The following INSL5 variants were observed in gnomAD, a reference collection of about 807,000 sequenced individuals.
INSL5 encodes insulin-like peptide INSL5.
Under a neutral mutation model 4.3 loss-of-function variants are expected in INSL5, and 3 were observed. That is an observed-to-expected ratio of 0.70 (90% CI 0.32 to 1.82). The LOEUF is 1.82. Among genes scored for constraint, INSL5 ranks in the 40% most tolerant of loss-of-function variants. The probability of loss-of-function intolerance (pLI) is 0.08; values close to 1 mark genes in which losing one functional copy is unlikely to be tolerated. For synonymous variants in INSL5, 68 were observed against 56.6 expected (o/e 1.20, Z -0.90); for missense variants, 168 against 160.9 (o/e 1.04, Z -0.24).
Position 66,797,967 on chromosome 1 carries a change from A to T in INSL5, c.*46T>A. 1.5e-6 allele frequency: 2 copies of T among 1,305,622 alleles called. No individual in the cohort carries two copies. Among genetic ancestry groups the T allele is most frequent in the East Asian group, 2.3e-5 (1 of 42,812 alleles). The allele number at this position is 1,305,622 out of a possible 1,614,324, so 80.9% of individuals were successfully genotyped here. On this transcript the variant is annotated 3_prime_UTR_variant, in exon 2 of 2. Coordinates refer to ENST00000304526, the MANE Select transcript of INSL5 (RefSeq NM_005478.6). Reference sequence around the variant, plus strand: ...TACCAGGCAGTAAAACACTGTAATTAAACATGTGATAAAGCTCTGCCACCC... The same window carrying T: ...TACCAGGCAGTAAAACACTGTAATTTAACATGTGATAAAGCTCTGCCACCC...
chr1:66,798,678 G>A (rs1645357097), intron 1 of INSL5, among the ~76,000 whole-genome samples: 2 of 152,144 alleles, frequency 1.3e-5, no homozygotes. Context: ...AAAATAAAAA[G>A]TGAAATTCAC....
At position 66,801,226 on chromosome 1, in the gene INSL5, C is replaced by T. The variant is rs767795234; in HGVS notation, c.-5G>A. On this transcript the variant is annotated 5_prime_UTR_variant, in exon 1 of 2. Coordinates refer to ENST00000304526, the MANE Select transcript of INSL5 (RefSeq NM_005478.6). ...AGTGAAAATGGAGCCCTTCATTTTGCTGAGGACTGAATGTGAATCTGATAT... is the reference window on the plus strand; with the variant it reads ...AGTGAAAATGGAGCCCTTCATTTTGTTGAGGACTGAATGTGAATCTGATAT... 288 of 1,608,058 alleles carry T rather than the reference C, an allele frequency of 1.8e-4. 1 individual carries two copies. The highest frequency in any genetic ancestry group is 2.4e-4 in the Non-Finnish European group (282 of 1,175,822).
At position 66,797,927 on chromosome 1, in the gene INSL5, A is replaced by G; in HGVS notation, c.*86T>C. 1.1e-6 allele frequency: 1 copy of G among 947,466 alleles called. No homozygotes were observed. Among genetic ancestry groups the G allele is most frequent in the East Asian group, 2.6e-5 (1 of 38,752 alleles). 58.7% of individuals were successfully genotyped at this position (947,466 alleles called of 1,614,324 possible). On this transcript the variant is annotated 3_prime_UTR_variant, in exon 2 of 2. Transcript: ENST00000304526. Reference sequence around the variant, plus strand: ...ACCCAAAAGCCATCATTTTAATAACACAATATTAGTGTTCTACCAGGCAGT... The same window carrying G: ...ACCCAAAAGCCATCATTTTAATAACGCAATATTAGTGTTCTACCAGGCAGT...
At chr1:66,800,460 A>T (rs1645368057) in intron 1 of INSL5, among the ~76,000 whole-genome samples, 1 of 152,132 alleles carries the variant, frequency 6.6e-6, no homozygotes, top group African/African-American at 2.4e-5. Context: ...TTGAAGCCAG[A>T]TAGACCCAGT....
In INSL5 at chr1:66,797,823, A is replaced by T; in HGVS notation, c.*190T>A. On this transcript the variant is annotated 3_prime_UTR_variant, in exon 2 of 2. Transcript: ENST00000304526. ...TAGAATTTGAAAAGAACAGTTCATTAACCTTGGCAAAGGGAGAAAATAGAG... is the reference window on the plus strand; with the variant it reads ...TAGAATTTGAAAAGAACAGTTCATTTACCTTGGCAAAGGGAGAAAATAGAG... 1 of 551,986 alleles carries T rather than the reference A, an allele frequency of 1.8e-6. No homozygotes were observed. Among genetic ancestry groups the T allele is most frequent in the Admixed American group, 3.2e-5 (1 of 30,838 alleles). The allele number at this position is 551,986 out of a possible 1,614,324, so 34.2% of individuals were successfully genotyped here.
chr1:66,798,334 G>A (rs1377383846), intron 1 of INSL5, 89 bp from the exon 2 acceptor site: 6 of 861,632 alleles, frequency 7.0e-6, no homozygotes, highest in Non-Finnish European at 1.1e-5. Flanking sequence ...AAATGAACTG[G>A]ATCCCTAAAA....
At chr1:66,800,981 C>G (rs1403583926) in intron 1 of INSL5, 66 bp downstream of exon 1, 1 of 1,237,084 alleles carries the variant, frequency 8.1e-7, no homozygotes, top group African/African-American at 1.5e-5. Flanking sequence ...TGGTTTAAAA[C>G]ACAGCTTGAA....
Position 66,798,128 on chromosome 1 carries a change from A to T in INSL5, c.293T>A (p.Met98Lys). Residue 98 changes from methionine (M) to lysine (K), a missense_variant, in exon 2 of 2, where the codon ATG becomes AAG. By Grantham distance (95) the Met-to-Lys change is moderately conservative. Transcript: ENST00000304526. ...TGACTTCCAAAGCTCTTCAGTGGGC[A>T]TCTGTCCACCCCAAAGACGGTCTTC... ...SGEDRLWGGQ[M>K]PTEELWKSKK... 6.2e-7 allele frequency: 1 copy of T among 1,614,116 alleles called. No homozygotes were observed. Among genetic ancestry groups the T allele is most frequent in the Non-Finnish European group, 8.5e-7 (1 of 1,179,978 alleles).
chr1:66,800,078 A>C (rs1259857420), intron 1 of INSL5, among the ~76,000 whole-genome samples: 1 of 152,224 alleles, frequency 6.6e-6, no homozygotes, highest in Non-Finnish European at 1.5e-5. Context: ...ATCTAAAAAT[A>C]GGATTTTAAA....
chr1:66,800,874 C>G (rs1645371488), intron 1 of INSL5, among the ~76,000 whole-genome samples, 173 bp downstream of exon 1: 1 of 152,178 alleles, frequency 6.6e-6, no homozygotes, highest in Admixed American at 6.5e-5. Context: ...ATGCTCATCA[C>G]TTTCCCAAGC....
intron 1 of INSL5, among the ~76,000 whole-genome samples, chr1:66,799,858 G>A (rs1645363521): frequency 6.6e-6 from 1 of 152,028 alleles, no homozygotes; most frequent in African/African-American, 2.4e-5. Flanking sequence ...AGACCAGCCT[G>A]GGCAACATTG....
At chr1:66,799,203 C>T (rs959953253) in intron 1 of INSL5, among the ~76,000 whole-genome samples, 2 of 152,102 alleles carry the variant, frequency 1.3e-5, no homozygotes, top group African/African-American at 4.8e-5. Context: ...TTTTTATTAC[C>T]AACATCATTT....
chr1:66,799,899 A>G (rs1454288353), intron 1 of INSL5, among the ~76,000 whole-genome samples: 1 of 152,082 alleles, frequency 6.6e-6, no homozygotes, highest in African/African-American at 2.4e-5. Context: ...ATATTTAAAA[A>G]TTAGCCAGAT....
chr1:66,799,547 T>C (rs1645361548), intron 1 of INSL5, among the ~76,000 whole-genome samples: 2 of 152,178 alleles, frequency 1.3e-5, no homozygotes, highest in South Asian at 4.1e-4. Context: ...TGACTATAGT[T>C]AATAAAAATG....
chr1:66,798,467 A>T (rs993298693), intron 1 of INSL5, among the ~76,000 whole-genome samples: 1 of 152,210 alleles, frequency 6.6e-6, no homozygotes, highest in African/African-American at 2.4e-5. Flanking sequence ...ACTTGAGTGC[A>T]AAGATGAGGA....
rs1283945601 is a variant in INSL5 at position 66,798,015 on chromosome 1, A to G, written c.406T>C (p.Ter136GlnextTer16). ...CSMTDLSALC[*>Q] ...CCCATTGGGTATTTGCTCTTGTCTT[A>G]GCAAAGAGCACTCAAATCAGTCATG... The change falls in exon 2 of 2, where the codon TAA (stop) becomes CAA (glutamine). Residue 136 changes from the stop codon to glutamine (Q), a stop_lost. Coordinates refer to ENST00000304526, the MANE Select transcript of INSL5 (RefSeq NM_005478.6). The G allele has an allele frequency of 2.5e-6, 4 of 1,610,684 alleles. No homozygotes were observed. The highest frequency in any genetic ancestry group is 3.4e-6 in the Non-Finnish European group (4 of 1,176,996).
At chr1:66,799,780 T>C (rs1457890293) in intron 1 of INSL5, among the ~76,000 whole-genome samples, 6 of 152,210 alleles carry the variant, frequency 3.9e-5, no homozygotes, top group African/African-American at 7.2e-5. Context: ...CCATGCCCAG[T>C]GGCTTATGCC....
At chr1:66,798,377 T>C (rs1459410781) in intron 1 of INSL5, 132 bp from the exon 2 acceptor site, 1 of 664,986 alleles carries the variant, frequency 1.5e-6, no homozygotes, top group East Asian at 2.7e-5. Flanking sequence ...TTTTTTAAAA[T>C]GTTGGCCTGG....
chr1:66,797,959 C>A lies in INSL5; in HGVS notation c.*54G>T. The A allele has an allele frequency of 8.0e-7, 1 of 1,243,608 alleles. No homozygotes were observed. 77.0% of individuals were successfully genotyped at this position (1,243,608 alleles called of 1,614,324 possible). A position where few individuals can be genotyped will look rare whatever the true frequency, so the allele number is the denominator to read the frequency against. On this transcript the variant is annotated 3_prime_UTR_variant, in exon 2 of 2. Transcript: ENST00000304526. ...TAGTGTTCTACCAGGCAGTAAAACA[C>A]TGTAATTAAACATGTGATAAAGCTC...
Sources: allele counts gnomAD v4.1 joint callset (sites outside exome capture counted in the v4.1 genomes callset), GRCh38; gene constraint gnomAD v4.1.1; transcripts MANE v1.5; gene names NCBI Gene and HGNC (gene_info 2026-07-23, HGNC 2026-07-21).